Variants in OGDHL observed in about 807,000 individuals in gnomAD.
OGDHL encodes oxoglutarate dehydrogenase L.
A neutral mutation model predicts 109.6 loss-of-function variants in OGDHL; 79 were observed. The observed-to-expected ratio is 0.72, with a 90% CI of 0.60 to 0.87. OGDHL has a LOEUF of 0.87. Ranked by LOEUF, OGDHL falls within the 40% of genes least tolerant of loss-of-function variation. The pLI, the probability that OGDHL is intolerant of heterozygous loss-of-function variation, is 0.00. For missense variants in OGDHL, 1,275 were observed against 1,362.2 expected (o/e 0.94, Z 1.01); for synonymous variants, 528 against 537.2 (o/e 0.98, Z 0.24).
rs144796503 is a variant in OGDHL at position 49,758,564 on chromosome 10, C to A, written c.29G>T (p.Arg10Leu). ...GAGCCTCGCAGCCTGTACCCCAAGA[C>A]GGGACGGCAGCAGCCTCAGCTGACT... MSQLRLLPS[R>L]LGVQAARLLA... Residue 10 changes from arginine to leucine, a missense_variant, in exon 2 of 23, where the codon CGT becomes CTT. Physicochemically the swap from Arg to Leu is moderately radical, Grantham distance 102. Transcript: ENST00000374103. The A allele has an allele frequency of 1.6e-3, 2,632 of 1,613,902 alleles. 3 individuals are homozygous for A. Among genetic ancestry groups the A allele is most frequent in the Non-Finnish European group, 2.0e-3 (2,362 of 1,180,022 alleles).
rs1052675453 is a variant in OGDHL at position 49,742,969 on chromosome 10, CGA to C, written c.1869_1870del (p.Arg624HisfsTer55). 2 of 1,612,782 alleles carry C rather than the reference CGA, an allele frequency of 1.2e-6. No individual in the cohort carries two copies. Among genetic ancestry groups the C allele is most frequent in the Admixed American group, 1.7e-5 (1 of 59,994 alleles). ...CATGTCCGCACGGCCCCGCAGAATG[CGA>C]GAGAGGCCTGTGGGAAAGGAGTGCT... On this transcript the variant is annotated frameshift_variant, in exon 15 of 23. Coordinates refer to ENST00000374103, the MANE Select transcript of OGDHL (RefSeq NM_018245.3). LOFTEE classifies it high-confidence loss of function.
At chr10:49,743,860 A>G (rs1336653168) in intron 14 of OGDHL, 134 bp downstream of exon 14, 4 of 1,107,880 alleles carry the variant, frequency 3.6e-6, no homozygotes, top group Non-Finnish European at 5.0e-6. Flanking sequence ...TGGTGCCGAG[A>G]GCTACGTGGA....
chr10:49,745,521 A>G (rs760909952), intron 11 of OGDHL, 25 bp from the exon 12 acceptor site: 2 of 1,612,654 alleles, frequency 1.2e-6, no homozygotes, highest in African/African-American at 2.7e-5. Context: ...AGAGGGGCTC[A>G]GGCCCTTCCC....
At chr10:49,742,175 CCACA>C (rs745831494) in intron 15 of OGDHL, among the ~76,000 whole-genome samples, 10 of 133,326 alleles carry the variant, frequency 7.5e-5, no homozygotes, top group Non-Finnish European at 1.6e-4. Flanking sequence ...CATACACGCC[CCACA>C]CACACTATAC....
intron 16 of OGDHL, 106 bp from the exon 17 acceptor site, chr10:49,739,945 T>G: frequency 8.3e-7 from 1 of 1,205,946 alleles, no homozygotes; most frequent in Non-Finnish European, 1.1e-6. Flanking sequence ...CCACCCATCC[T>G]TCTCACAAGC....
rs774995691 is a variant in OGDHL, at chr10:49,758,461, T to A, written c.132A>T (p.Lys44Asn). The change falls in exon 2 of 23, where the codon AAA becomes AAT. Residue 44 changes from lysine (K) to asparagine (N), a missense_variant. Transcript: ENST00000374103. ...CCATGTAACTGGAGCCGCCTCCACC[T>A]TTGCTGCTTGGGAAGGTGGCCGGTG... ...SGPPATFPSS[K>N]GGGGSSYMEE... 7.4e-6 allele frequency: 12 copies of A among 1,613,796 alleles called. No individual in the cohort carries two copies. Among genetic ancestry groups the A allele is most frequent in the Non-Finnish European group, 9.3e-6 (11 of 1,180,026 alleles).
At chr10:49,756,609 G>T (rs1842930030) in intron 3 of OGDHL, 167 bp downstream of exon 3, 1 of 606,772 alleles carries the variant, frequency 1.6e-6, no homozygotes, top group Non-Finnish European at 2.7e-6. Flanking sequence ...TGCTCTGAAT[G>T]GTGATGTGGC....
At chr10:49,735,401 C>A (rs1261212932) in intron 22 of OGDHL, 50 bp from the exon 23 acceptor site, 2 of 1,592,506 alleles carry the variant, frequency 1.3e-6, no homozygotes, top group African/African-American at 2.7e-5. Context: ...AGCCGCCCCC[C>A]AACCGCTGCC....
chr10:49,752,371 A>T, intron 4 of OGDHL, 123 bp from the exon 5 acceptor site: 1 of 778,966 alleles, frequency 1.3e-6, no homozygotes, highest in Admixed American at 2.0e-5. Flanking sequence ...TCTGGGTCCA[A>T]CCTGGGGAGC....
chr10:49,760,086 C>G (rs1296580390), intron 1 of OGDHL, among the ~76,000 whole-genome samples: 1 of 152,248 alleles, frequency 6.6e-6, no homozygotes, highest in African/African-American at 2.4e-5. Flanking sequence ...TCACATGAGC[C>G]AGAGGAAAGG....
At position 49,738,001 on chromosome 10, in the gene OGDHL, C is replaced by T. The variant is rs376679857; in HGVS notation, c.2463G>A (p.Pro821=). The T allele has an allele frequency of 5.6e-6, 9 of 1,614,056 alleles. No homozygotes were observed. In the African/African-American group the frequency reaches 6.7e-5, roughly 12 times the overall value. The change falls in exon 19 of 23, where the codon CCG becomes CCA. Residue 821 remains proline, a synonymous_variant. Coordinates refer to ENST00000374103, the MANE Select transcript of OGDHL (RefSeq NM_018245.3). ...CNWIVVNCST[P]ANYFHVLRRQ... ...GGCGCAGCACGTGGAAGTAGTTGGCCGGTGTGGAGCAGTTGACCACGATCC... is the reference window on the plus strand; with the variant it reads ...GGCGCAGCACGTGGAAGTAGTTGGCTGGTGTGGAGCAGTTGACCACGATCC...
At chr10:49,751,041 TG>T (rs1316143697) in intron 6 of OGDHL, 56 bp from the exon 7 acceptor site, 3 of 1,494,900 alleles carry the variant, frequency 2.0e-6, no homozygotes, top group East Asian at 4.9e-5. Context: ...GGGAGGGGAC[TG>T]GGGCTCACAG....
chr10:49,748,667 T>C (rs1284569779), intron 8 of OGDHL, among the ~76,000 whole-genome samples: 2 of 151,510 alleles, frequency 1.3e-5, no homozygotes, highest in Admixed American at 6.6e-5. Flanking sequence ...AAGTGAGGCT[T>C]AGAAGGCTGA....
At chr10:49,735,395 GCCC>G in intron 22 of OGDHL, 44 bp from the exon 23 acceptor site, 2 of 1,596,380 alleles carry the variant, frequency 1.3e-6, no homozygotes, top group Non-Finnish European at 8.5e-7. Context: ...GGGCCTAGCC[GCCC>G]CCCAACCGCT....
At chr10:49,750,702 C>A in intron 7 of OGDHL, 137 bp downstream of exon 7, 7 of 1,240,982 alleles carry the variant, frequency 5.6e-6, no homozygotes, top group Non-Finnish European at 7.6e-6. Flanking sequence ...AGGCCCAGGA[C>A]TCAGAACTTT....
chr10:49,748,314 C>T (rs1651357101), intron 8 of OGDHL, among the ~76,000 whole-genome samples: 1 of 152,200 alleles, frequency 6.6e-6, no homozygotes, highest in African/African-American at 2.4e-5. Context: ...CCCGGTGTCA[C>T]GGCTATGCCC....
At chr10:49,738,132 C>A in intron 18 of OGDHL, 59 bp downstream of exon 18, 5 of 1,614,074 alleles carry the variant, frequency 3.1e-6, no homozygotes, top group Non-Finnish European at 3.4e-6. Flanking sequence ...ACCCTGGACC[C>A]CTAGCCCTGT....
intron 8 of OGDHL, among the ~76,000 whole-genome samples, chr10:49,749,086 G>C (rs1420337734): frequency 6.6e-6 from 1 of 152,190 alleles, no homozygotes; most frequent in Non-Finnish European, 1.5e-5. Context: ...GCGCATGCCT[G>C]TAATCCCAGC....
chr10:49,749,566 G>A (rs906693148), intron 8 of OGDHL, among the ~76,000 whole-genome samples, 160 bp downstream of exon 8: 3 of 152,144 alleles, frequency 2.0e-5, no homozygotes, highest in African/African-American at 7.2e-5. Flanking sequence ...AAAAGCCTTA[G>A]GGTCCTCAGG....
Sources: gnomAD v4.1 joint callset for allele counts (sites outside exome capture counted in the v4.1 genomes callset) on GRCh38, gnomAD v4.1.1 for gene constraint, MANE v1.5 for transcripts, NCBI Gene and HGNC (gene_info 2026-07-23, HGNC 2026-07-21) for gene names.